Variants in PLPPR5 observed in about 807,000 individuals in gnomAD.
The protein encoded by PLPPR5 is phospholipid phosphatase-related protein type 5.
PLPPR5 carries 16 observed loss-of-function variants against 33.9 expected under a neutral mutation model. That is an observed-to-expected ratio of 0.47 (90% confidence interval 0.32 to 0.72). PLPPR5 has a LOEUF of 0.72. Among genes scored for constraint, PLPPR5 ranks in the 30% least tolerant of loss-of-function variants. The pLI, the probability that PLPPR5 is intolerant of heterozygous loss-of-function variation, is 0.03. For synonymous variants in PLPPR5, 163 were observed against 150.3 expected, an observed-to-expected ratio of 1.08 and a Z score of -0.62; for missense variants, 301 against 406.7, an observed-to-expected ratio of 0.74 and a Z score of 2.23.
chr1:98,958,860 C>T (rs567241658), intron 1 of PLPPR5, among the ~76,000 whole-genome samples: 22 of 152,154 alleles, frequency 1.4e-4, no homozygotes, highest in Non-Finnish European at 2.4e-4. Context: ...ATGAGCTGAC[C>T]GGCTCTGCAC....
At chr1:98,918,953 G>C (rs1419343012) in intron 4 of PLPPR5, among the ~76,000 whole-genome samples, 1 of 152,138 alleles carries the variant, frequency 6.6e-6, no homozygotes, top group Non-Finnish European at 1.5e-5. Flanking sequence ...CAAAGAAAAA[G>C]ACTTCACAGG....
chr1:98,958,247 A>G (rs896618904), intron 1 of PLPPR5, among the ~76,000 whole-genome samples: 2 of 152,242 alleles, frequency 1.3e-5, no homozygotes, highest in Non-Finnish European at 2.9e-5. Context: ...AGTAGTATCT[A>G]TGATTACAAG....
intron 5 of PLPPR5, among the ~76,000 whole-genome samples, chr1:98,907,492 C>A (rs989358353): frequency 1.3e-5 from 2 of 152,066 alleles, no homozygotes; most frequent in Admixed American, 6.6e-5. Flanking sequence ...CCGCACCCAG[C>A]CAAATTTCTT....
Position 98,953,175 on chromosome 1 carries a change from A to G in PLPPR5, c.516T>C (p.Ser172=). The change falls in exon 3 of 6, where the codon AGT becomes AGC. Residue 172 remains serine (S), a synonymous_variant. Coordinates refer to ENST00000263177, the MANE Select transcript of PLPPR5 (RefSeq NM_001037317.2). ...GGTTGCCAGTACAGGCCTCTTCCCCACTGATGAATTGTGTATACTGCTGAC... is the reference window on the plus strand; with the variant it reads ...GGTTGCCAGTACAGGCCTCTTCCCCGCTGATGAATTGTGTATACTGCTGAC... The part of the protein sequence containing the change: ...LGCQQYTQFI[S]GEEACTGNPD... 2 of 1,614,066 alleles carry G rather than the reference A, an allele frequency of 1.2e-6. No homozygotes were observed. Among genetic ancestry groups the G allele is most frequent in the Non-Finnish European group, 1.7e-6 (2 of 1,180,004 alleles).
chr1:98,904,642 G>T (rs1199948166), intron 5 of PLPPR5, among the ~76,000 whole-genome samples: 1 of 152,114 alleles, frequency 6.6e-6, no homozygotes, highest in Admixed American at 6.6e-5. Flanking sequence ...CATAGACCCA[G>T]CACTGGCCCT....
chr1:98,924,708 G>A (rs2101166382), intron 3 of PLPPR5, among the ~76,000 whole-genome samples: 1 of 152,272 alleles, frequency 6.6e-6, no homozygotes, highest in Admixed American at 6.5e-5. Flanking sequence ...CTACATCCCT[G>A]TGAAGTTTCT....
intron 3 of PLPPR5, among the ~76,000 whole-genome samples, chr1:98,927,819 G>A (rs867237025): frequency 4.5e-4 from 69 of 152,118 alleles, no homozygotes; most frequent in African/African-American, 1.6e-3. Context: ...AGGACAGGAA[G>A]TACTTCCTTC....
chr1:98,997,528 T>C (rs1652674548), intron 1 of PLPPR5, among the ~76,000 whole-genome samples: 1 of 152,212 alleles, frequency 6.6e-6, no homozygotes, highest in African/African-American at 2.4e-5. Context: ...TTCTTTCTAA[T>C]CATGTTGACA....
chr1:98,931,887 C>A (rs1649991067), intron 3 of PLPPR5, among the ~76,000 whole-genome samples: 1 of 152,108 alleles, frequency 6.6e-6, no homozygotes. Flanking sequence ...AATCAGTTGC[C>A]AGTGCTGGAT....
chr1:98,910,656 T>C (rs1466898261), intron 5 of PLPPR5, among the ~76,000 whole-genome samples: 1 of 152,154 alleles, frequency 6.6e-6, no homozygotes, highest in African/African-American at 2.4e-5. Flanking sequence ...GGCCAGATCC[T>C]AGCATAGCCA....
chr1:99,001,673 T>G (rs1398231759), intron 1 of PLPPR5, among the ~76,000 whole-genome samples: 14 of 38,734 alleles, frequency 3.6e-4, no homozygotes, highest in African/African-American at 6.3e-4. Flanking sequence ...AAGTTAAAGA[T>G]ATATATATAT....
At position 98,892,954 on chromosome 1, in the gene PLPPR5, A is replaced by T. The variant is rs530311248; in HGVS notation, c.*118T>A. 2.0e-6 allele frequency: 2 copies of T among 990,546 alleles called. No homozygotes were observed. The highest frequency in any genetic ancestry group is 2.7e-5 in the East Asian group (1 of 37,528). The allele number at this position is 990,546 out of a possible 1,614,324, so 61.4% of individuals were successfully genotyped here. A position where few individuals can be genotyped will look rare whatever the true frequency, so the allele number is the denominator to read the frequency against. On this transcript the variant is annotated 3_prime_UTR_variant, in exon 6 of 6. Coordinates refer to ENST00000263177, the MANE Select transcript of PLPPR5 (RefSeq NM_001037317.2). ...ATAGGTTGACATTGATTTTAAAATT[A>T]TAAAAATTATTAAACAACTTTATAA... is the stretch of plus-strand genomic sequence containing the variant.
chr1:98,914,020 A>G (rs75726250), intron 5 of PLPPR5, among the ~76,000 whole-genome samples: 2,689 of 152,246 alleles, frequency 0.018, 86 homozygotes, highest in African/African-American at 0.061. Context: ...TTTTCCTGAT[A>G]TCAGACCTTT....
At chr1:98,961,177 T>A (rs1651233097) in intron 1 of PLPPR5, among the ~76,000 whole-genome samples, 1 of 152,210 alleles carries the variant, frequency 6.6e-6, no homozygotes, top group Non-Finnish European at 1.5e-5. Flanking sequence ...ACTTCTGTTT[T>A]TCACAGATGT....
chr1:98,950,358 G>A (rs1193974238), intron 3 of PLPPR5, among the ~76,000 whole-genome samples: 1 of 152,060 alleles, frequency 6.6e-6, no homozygotes, highest in East Asian at 1.9e-4. Flanking sequence ...TGAAGCAATT[G>A]GTGCCTGACA....
intron 3 of PLPPR5, among the ~76,000 whole-genome samples, chr1:98,946,572 TC>T (rs1427585851): frequency 6.6e-6 from 1 of 152,010 alleles, no homozygotes; most frequent in Non-Finnish European, 1.5e-5. Context: ...ACACTTCTTC[TC>T]CCCCTGTTCA....
intron 1 of PLPPR5, among the ~76,000 whole-genome samples, chr1:99,003,648 G>A (rs1367149718): frequency 6.6e-6 from 1 of 152,164 alleles, no homozygotes; most frequent in African/African-American, 2.4e-5. Context: ...TGAGGTGTGT[G>A]TATACACGTG....
chr1:99,001,133 CTT>C (rs72190147), intron 1 of PLPPR5, among the ~76,000 whole-genome samples: 11,182 of 134,534 alleles, frequency 0.083, 396 homozygotes, highest in Non-Finnish European at 0.093. Context: ...GTTCCCAACT[CTT>C]TTTTTTTTTT....
intron 3 of PLPPR5, among the ~76,000 whole-genome samples, chr1:98,951,286 T>C (rs1650774634): frequency 6.6e-6 from 1 of 152,106 alleles, no homozygotes. Context: ...ATTTCTTGAA[T>C]AGGAAAGAAT....
Sources: gnomAD v4.1 joint callset for allele counts (sites outside exome capture counted in the v4.1 genomes callset) on GRCh38, gnomAD v4.1.1 for gene constraint, MANE v1.5 for transcripts, NCBI Gene and HGNC (gene_info 2026-07-23, HGNC 2026-07-21) for gene names.